Variants in TACC2 observed in about 807,000 individuals in gnomAD.
The protein encoded by TACC2 is transforming acidic coiled-coil-containing protein 2.
A neutral mutation model predicts 227.3 loss-of-function variants in TACC2; 137 were observed. The observed-to-expected ratio is 0.60, with a 90% CI of 0.52 to 0.69. The LOEUF (loss-of-function observed/expected upper bound fraction) is 0.69. Ranked by LOEUF, TACC2 falls within the 30% of genes least tolerant of loss-of-function variation. The pLI is 0.00. For synonymous variants in TACC2, 1,523 were observed against 1,487.5 expected (o/e 1.02, Z -0.55); for missense variants, 3,470 against 3,694.4 (o/e 0.94, Z 1.57).
At position 122,049,116 on chromosome 10, in the gene TACC2, G is replaced by A. The variant is rs138189897; in HGVS notation, c.34-1322G>A. 4.4e-4 allele frequency among the ~76,000 whole-genome samples: 67 copies of A among 152,262 alleles called. No individual in the cohort carries two copies. The East Asian group carries it at 0.01, about 23-fold the overall frequency. ...AGCTCATCTGGATGAGAGGTGGACC[G>A]GGGAATGCACTCTCAGTTGCTAGTG... On this transcript the variant is annotated intron_variant, in intron 2 of 22. Transcript: ENST00000369005.
At chr10:122,041,805 T>C (rs4631817) in intron 2 of TACC2, among the ~76,000 whole-genome samples, 3 of 152,224 alleles carry the variant, frequency 2.0e-5, no homozygotes, top group Non-Finnish European at 4.4e-5. Flanking sequence ...TGCTGTGGGG[T>C]TCCCCCAGCC....
In TACC2 at chr10:122,205,712, AG is replaced by A. The variant is rs1184667993; in HGVS notation, c.5972-4683del. Among the ~76,000 whole-genome samples, 2 of 152,154 alleles carry A rather than the reference AG, an allele frequency of 1.3e-5. No homozygotes were observed. Among genetic ancestry groups the A allele is most frequent in the African/African-American group, 4.8e-5 (2 of 41,442 alleles). On this transcript the variant is annotated intron_variant, in intron 8 of 22. Transcript: ENST00000369005. This position sits in a 1 kb window ranked among gnomAD's most constrained non-coding sequence, Gnocchi z 4.5. Reference sequence around the variant, plus strand: ...TGCAGAAGGAAGTGCTGCTCTGCAGAGGAAGGGGCGGATGGAGGCGGAGTCT... The same window carrying A: ...TGCAGAAGGAAGTGCTGCTCTGCAGAGAAGGGGCGGATGGAGGCGGAGTCT...
chr10:122,036,019 A>G (rs1960199686), intron 2 of TACC2, among the ~76,000 whole-genome samples: 1 of 152,150 alleles, frequency 6.6e-6, no homozygotes, highest in African/African-American at 2.4e-5. Flanking sequence ...TACCTCATGT[A>G]AGTGGAATCA....
intron 1 of TACC2, 42 bp from the exon 2 acceptor site, chr10:122,021,895 T>G: frequency 1.6e-6 from 2 of 1,285,576 alleles, no homozygotes; most frequent in Non-Finnish European, 2.3e-6. Flanking sequence ...CCTCAGATCT[T>G]TTTTCATTTC....
At chr10:122,240,646 C>T (rs577750430) in intron 18 of TACC2, among the ~76,000 whole-genome samples, 1 of 152,278 alleles carries the variant, frequency 6.6e-6, no homozygotes, top group African/African-American at 2.4e-5. Flanking sequence ...CAGCGGGATC[C>T]CAGGCCTCCT....
intron 7 of TACC2, among the ~76,000 whole-genome samples, chr10:122,149,298 G>A (rs2091774389): frequency 6.6e-6 from 1 of 152,218 alleles, no homozygotes. Context: ...TGGAAACCTG[G>A]CCAAGGGCTG....
intron 5 of TACC2, among the ~76,000 whole-genome samples, chr10:122,107,825 C>T (rs1384088689): frequency 6.7e-6 from 1 of 148,856 alleles, no homozygotes; most frequent in African/African-American, 2.5e-5. Flanking sequence ...TATCCCTCAC[C>T]CCCCTCCCAC....
At position 122,119,764 on chromosome 10, in the gene TACC2, G is replaced by A. The variant is rs112759761; in HGVS notation, c.5574-12845G>A. Among the ~76,000 whole-genome samples, 1,158 of 152,150 alleles carry A rather than the reference G, an allele frequency of 7.6e-3. 18 individuals carry two copies. The highest frequency in any genetic ancestry group is 0.025 in the African/African-American group (1,047 of 41,498). On this transcript the variant is annotated intron_variant, in intron 5 of 22. Coordinates refer to ENST00000369005, the MANE Select transcript of TACC2 (RefSeq NM_206862.4). ...CCCTGTTCCTACTGAAAATATAAAT[G>A]TTAGCTGGACTGGGTGTGGTGGTAT...
chr10:122,080,211 C>CTTTTTTTTTTTTTT (rs111618289), intron 3 of TACC2, among the ~76,000 whole-genome samples: 2 of 113,214 alleles, frequency 1.8e-5, no homozygotes, highest in Admixed American at 9.5e-5. Context: ...TCTTCCTTTC[C>CTTTTTTTTTTTTTT]TTTTTTTTTT....
At chr10:122,248,999 G>C (rs965206573) in intron 20 of TACC2, 51 bp from the exon 21 acceptor site, 1 of 1,558,572 alleles carries the variant, frequency 6.4e-7, no homozygotes, top group East Asian at 2.3e-5. Flanking sequence ...CACCAGTGCT[G>C]GGCATTTGTT....
At chr10:122,041,817 G>A (rs750195807) in intron 2 of TACC2, among the ~76,000 whole-genome samples, 1 of 152,246 alleles carries the variant, frequency 6.6e-6, no homozygotes, top group African/African-American at 2.4e-5. Context: ...CCCCCAGCCC[G>A]GAGGGTCGGT....
chr10:122,167,823 G>T (rs2093263207), intron 7 of TACC2, among the ~76,000 whole-genome samples: 1 of 152,190 alleles, frequency 6.6e-6, no homozygotes, highest in Non-Finnish European at 1.5e-5. Context: ...CACTCAGAAG[G>T]CCAGAAACGG....
At chr10:122,082,498 A>T in intron 3 of TACC2, 149 bp from the exon 4 acceptor site, 1 of 860,444 alleles carries the variant, frequency 1.2e-6, no homozygotes, top group Non-Finnish European at 1.8e-6. Context: ...GGGGGCTCTC[A>T]CAGAGAGGAA....
chr10:122,128,979 A>T (rs896298453), intron 5 of TACC2, among the ~76,000 whole-genome samples: 3 of 151,784 alleles, frequency 2.0e-5, no homozygotes, highest in Non-Finnish European at 2.9e-5. Flanking sequence ...AATGTGGATC[A>T]TGCTGCTAAG....
rs772123235 is a variant in TACC2, at chr10:122,132,649, G to A, written c.5614G>A (p.Ala1872Thr). ...ADDIIQPAAP[A>T]DLESPTLAAS... ...TGATATCATCCAGCCCGCTGCCCCC[G>A]CAGACCTGGAAAGCCCAACCTTAGC... Residue 1872 changes from alanine to threonine, a missense_variant, in exon 6 of 23, where the codon GCA becomes ACA. Physicochemically the swap from Ala to Thr is moderately conservative, Grantham distance 58. Coordinates refer to ENST00000369005, the MANE Select transcript of TACC2 (RefSeq NM_206862.4). 43 of 1,613,922 alleles carry A rather than the reference G, an allele frequency of 2.7e-5. No homozygotes were observed. Among genetic ancestry groups the A allele is most frequent in the Middle Eastern group, 1.6e-4 (1 of 6,084 alleles).
intron 16 of TACC2, among the ~76,000 whole-genome samples, chr10:122,234,816 C>T (rs187623971): frequency 1.3e-5 from 2 of 151,966 alleles, no homozygotes; most frequent in East Asian, 1.9e-4. Context: ...TAGTTTCTGC[C>T]CACTATGATA....
rs2137115736 is a variant in TACC2, at chr10:122,084,676, A to C, written c.2176A>C (p.Thr726Pro). The C allele has an allele frequency of 6.2e-7, 1 of 1,613,456 alleles. No individual in the cohort carries two copies. Among genetic ancestry groups the C allele is most frequent in the South Asian group, 1.1e-5 (1 of 91,072 alleles). Reference protein sequence around the residue: ...LESEKSDFPPTPVAEVAPKAQ... With the variant: ...LESEKSDFPPPPVAEVAPKAQ... ...ATCAGAGAAATCAGATTTTCCACCA[A>C]CTCCTGTTGCAGAGGTTGCACCCAA... The change falls in exon 4 of 23, where the codon ACT becomes CCT. Residue 726 changes from threonine to proline, a missense_variant. By Grantham distance (38) the Thr-to-Pro change is conservative (BLOSUM62 -1). This residue lies in a region of TACC2 where 1,924 missense variants were observed against 1,978.3 expected (regional missense o/e 0.97). Transcript: ENST00000369005.
chr10:122,218,185 T>G (rs1246389840), intron 11 of TACC2, among the ~76,000 whole-genome samples: 2 of 152,148 alleles, frequency 1.3e-5, no homozygotes, highest in Admixed American at 1.3e-4. Flanking sequence ...CCTTGTGATC[T>G]GCCCACCTCG....
chr10:122,016,275 A>AAAGG (rs1956616250), intron 1 of TACC2, among the ~76,000 whole-genome samples: 9 of 22,906 alleles, frequency 3.9e-4, no homozygotes, highest in East Asian at 1.0e-3. Context: ...AAAAAAAGGA[A>AAAGG]AAAAAAAAAA....
Sources: allele counts gnomAD v4.1 joint callset (sites outside exome capture counted in the v4.1 genomes callset), GRCh38; gene constraint gnomAD v4.1.1; regional missense constraint gnomAD v4.1.1; non-coding constraint Gnocchi (gnomAD v3.1); transcripts MANE v1.5; gene names NCBI Gene and HGNC (gene_info 2026-07-23, HGNC 2026-07-21).